Variants in PTPN3 observed in about 807,000 individuals in gnomAD.
PTPN3 encodes tyrosine-protein phosphatase non-receptor type 3.
PTPN3 carries 96 observed loss-of-function variants against 132.7 expected under a neutral mutation model. The observed-to-expected ratio is 0.72, with a 90% CI of 0.61 to 0.86. The LOEUF (loss-of-function observed/expected upper bound fraction) is 0.86, where lower values mean the gene tolerates loss of function less well. Among genes scored for constraint, PTPN3 ranks in the 40% least tolerant of loss-of-function variants. The probability of loss-of-function intolerance (pLI) is 0.00; values close to 1 mark genes in which losing one functional copy is unlikely to be tolerated. For missense variants in PTPN3, 1,125 were observed against 1,159.6 expected (o/e 0.97, Z 0.43); for synonymous variants, 398 against 429.0 (o/e 0.93, Z 0.89).
At chr9:109,407,384 TA>T (rs1434815709) in intron 17 of PTPN3, among the ~76,000 whole-genome samples, 1 of 151,960 alleles carries the variant, frequency 6.6e-6, no homozygotes, top group Non-Finnish European at 1.5e-5. Flanking sequence ...CCCTGTCTCT[TA>T]AAAAAGAAAA....
chr9:109,526,034 T>C, the PTPN3 span, among the ~76,000 whole-genome samples: 1 of 152,216 alleles, frequency 6.6e-6, no homozygotes, highest in Non-Finnish European at 1.5e-5. Flanking sequence ...GCAAGGTCAA[T>C]ATACAAAATT....
chr9:109,521,240 C>A, the PTPN3 span, among the ~76,000 whole-genome samples: 1 of 152,038 alleles, frequency 6.6e-6, no homozygotes, highest in Non-Finnish European at 1.5e-5. Context: ...CTCACTGCAA[C>A]CTCCACCTCC....
At chr9:109,395,581 G>A (rs1345221154) in intron 19 of PTPN3, among the ~76,000 whole-genome samples, 1 of 152,210 alleles carries the variant, frequency 6.6e-6, no homozygotes, top group African/African-American at 2.4e-5. Flanking sequence ...AAGCTCAGGA[G>A]TTTGAGACCA....
intron 1 of PTPN3, among the ~76,000 whole-genome samples, chr9:109,479,560 T>C (rs1588494151): frequency 6.6e-6 from 1 of 152,240 alleles, no homozygotes; most frequent in South Asian, 2.1e-4. Flanking sequence ...CTGGGTCACA[T>C]GGTAGTTCTA....
At chr9:109,472,324 C>T (rs1360977104) in intron 1 of PTPN3, among the ~76,000 whole-genome samples, 1 of 152,208 alleles carries the variant, frequency 6.6e-6, no homozygotes, top group Admixed American at 6.5e-5. Context: ...CTCAGAAACC[C>T]GTTGAGTCAA....
rs536342787 is a variant in PTPN3 at position 109,389,282 on chromosome 9, T to C, written c.2204A>G (p.Gln735Arg). 68 of 1,614,130 alleles carry C rather than the reference T, an allele frequency of 4.2e-5. No individual in the cohort carries two copies. Among genetic ancestry groups the C allele is most frequent in the Non-Finnish European group, 5.4e-5 (64 of 1,180,052 alleles). The change falls in exon 22 of 26, where the codon CAG (glutamine) becomes CGG (arginine). Residue 735 changes from glutamine to arginine, a missense_variant. Transcript: ENST00000374541. ...CAACATGACAATGAGTGACAACTTC[T>C]GATCCCAGACAACCTGCCAAAACTG... ...CAQFWQVVWD[Q>R]KLSLIVMLTT...
chr9:109,450,485 C>A, intron 5 of PTPN3: 1 of 983,700 alleles, frequency 1.0e-6, no homozygotes, highest in Non-Finnish European at 1.2e-6. Context: ...AGAAGATAAA[C>A]GTGGAGATCA....
chr9:109,458,224 G>T (rs1027560631), intron 2 of PTPN3, among the ~76,000 whole-genome samples: 1 of 152,182 alleles, frequency 6.6e-6, no homozygotes, highest in Admixed American at 6.5e-5. Context: ...GACTGGGGCC[G>T]TAGAGGAAGC....
At chr9:109,459,326 G>A (rs981404254) in intron 2 of PTPN3, among the ~76,000 whole-genome samples, 1 of 152,194 alleles carries the variant, frequency 6.6e-6, no homozygotes, top group Non-Finnish European at 1.5e-5. Context: ...GTCACAAGGT[G>A]GGCTGGGCTA....
At chr9:109,381,936 G>A (rs988958600) in intron 24 of PTPN3, 149 bp from the exon 25 acceptor site, 4 of 941,904 alleles carry the variant, frequency 4.2e-6, no homozygotes, top group Non-Finnish European at 6.4e-6. Context: ...CTCTCAAACA[G>A]GCTGAGACAG....
chr9:109,467,952 G>A (rs1411032055), intron 1 of PTPN3, among the ~76,000 whole-genome samples: 1 of 152,194 alleles, frequency 6.6e-6, no homozygotes, highest in Admixed American at 6.5e-5. Context: ...TATGAAAGCT[G>A]CAGAAATCTT....
chr9:109,415,120 ATCC>A, intron 14 of PTPN3, among the ~76,000 whole-genome samples: 1 of 151,920 alleles, frequency 6.6e-6, no homozygotes, highest in Non-Finnish European at 1.5e-5. Context: ...CCATCCATCC[ATCC>A]ATCCAAATAG....
rs762680641 is a variant in PTPN3 at position 109,422,739 on chromosome 9, G to C, written c.1115C>G (p.Ser372Cys). 12 of 1,611,756 alleles carry C rather than the reference G, an allele frequency of 7.4e-6. No individual in the cohort carries two copies. ...HLETKSLPSRSPPITPNWRSP... is the reference protein window; with the variant it reads ...HLETKSLPSRCPPITPNWRSP... ...ATACCAGTTGGGAGTAATGGGAGGG[G>C]AACGAGAAGGCAGACTCTTGGTTTC... Residue 372 changes from serine (S) to cysteine (C), a missense_variant, in exon 13 of 26, where the codon TCC (serine) becomes TGC (cysteine). Transcript: ENST00000374541.
rs1250815091 is a variant in PTPN3, at chr9:109,415,068, GTCCA to G, written c.1314-4657_1314-4654del. Among the ~76,000 whole-genome samples the G allele has an allele frequency of 2.6e-4, 21 of 79,762 alleles. No individual in the cohort carries two copies. The East Asian group carries it at 8.9e-3, about 34-fold the overall frequency. The allele number at this position is 79,762 out of a possible 152,430, so 52.3% of individuals were successfully genotyped here. ...CGTCCGTCCATCCGTCCATCCGTCC[GTCCA>G]TCCAACCATCCATCCATCCATCCAT... On this transcript the variant is annotated intron_variant, in intron 14 of 25. Transcript: ENST00000374541.
At chr9:109,530,492 A>G in the PTPN3 span, among the ~76,000 whole-genome samples, 4 of 152,056 alleles carry the variant, frequency 2.6e-5, no homozygotes, top group South Asian at 6.2e-4. Context: ...GGTTGCTTCT[A>G]TTTTTGGGGT....
At chr9:109,383,209 C>A in intron 23 of PTPN3, 1 of 690,072 alleles carries the variant, frequency 1.4e-6, no homozygotes, top group Admixed American at 2.5e-5. Flanking sequence ...ATTCCTCCAT[C>A]GATGGACACT....
intron 8 of PTPN3, 137 bp downstream of exon 8, chr9:109,437,977 C>T (rs1844178089): frequency 4.5e-6 from 5 of 1,106,512 alleles, no homozygotes; most frequent in South Asian, 2.1e-5. Context: ...CATACCAGCT[C>T]AAAGGTTCAA....
intron 13 of PTPN3, among the ~76,000 whole-genome samples, chr9:109,420,848 A>G (rs1226908136): frequency 6.6e-6 from 1 of 152,228 alleles, no homozygotes; most frequent in East Asian, 1.9e-4. Context: ...AGGCAGAATT[A>G]GATGGGTTTA....
the PTPN3 span, among the ~76,000 whole-genome samples, chr9:109,513,992 C>T: frequency 5.0e-4 from 76 of 152,274 alleles, no homozygotes; most frequent in African/African-American, 1.7e-3. Flanking sequence ...GCTAACAGAT[C>T]AACTCCATCC....
Sources: allele counts gnomAD v4.1 joint callset (sites outside exome capture counted in the v4.1 genomes callset), GRCh38; gene constraint gnomAD v4.1.1; transcripts MANE v1.5; gene names NCBI Gene and HGNC (gene_info 2026-07-23, HGNC 2026-07-21).